The following PCDHA9 variants were observed in gnomAD, a reference collection of about 807,000 sequenced individuals.
PCDHA9 encodes the protein protocadherin alpha-9.
A neutral mutation model predicts 62.0 loss-of-function variants in PCDHA9; 62 were observed. The ratio of observed to expected loss-of-function variants is 1.00; its 90% CI spans 0.81 to 1.23. PCDHA9 has a LOEUF of 1.23. Ranked by LOEUF, PCDHA9 falls within the 50% of genes most tolerant of loss-of-function variation. PCDHA9 has a pLI of 0.00. For synonymous variants in PCDHA9, 557 were observed against 567.6 expected (o/e 0.98, Z 0.27); for missense variants, 1,205 against 1,249.8 (o/e 0.96, Z 0.54).
Position 141,010,957 on chromosome 5 carries a change from C to CT in PCDHA9, c.*1021dup, listed in dbSNP as rs1342734442. The CT allele has an allele frequency of 6.5e-5, 10 of 153,858 alleles. No homozygotes were observed. Among genetic ancestry groups the CT allele is most frequent in the African/African-American group, 2.4e-4 (10 of 41,554 alleles). The allele number at this position is 153,858 out of a possible 1,614,324, so 9.5% of individuals were successfully genotyped here. A position where few individuals can be genotyped will look rare whatever the true frequency, so the allele number is the denominator to read the frequency against. On this transcript the variant is annotated 3_prime_UTR_variant, in exon 4 of 4. Coordinates refer to ENST00000532602, the MANE Select transcript of PCDHA9 (RefSeq NM_031857.2). ...ACAGCCATTTAAATGATCATTGCTG[C>CT]TACAGAAGTGCTTTAAGAGAATTGC...
intron 1 of PCDHA9, chr5:140,870,894 T>C (rs2052511877): frequency 1.2e-6 from 2 of 1,613,938 alleles, no homozygotes; most frequent in East Asian, 2.2e-5. Flanking sequence ...GCGCAGTGGA[T>C]GCGGACTCAG....
chr5:140,927,897 T>A, intron 1 of PCDHA9: 1 of 1,614,204 alleles, frequency 6.2e-7, no homozygotes, highest in African/African-American at 1.3e-5. Flanking sequence ...ACGTGAACGA[T>A]CATGCCCCCG....
chr5:140,926,533 A>G (rs957359754), intron 1 of PCDHA9: 23 of 211,100 alleles, frequency 1.1e-4, no homozygotes, highest in East Asian at 3.3e-4. Context: ...GCCCGCAGCC[A>G]GCGTGGTGGT....
intron 1 of PCDHA9, chr5:140,869,464 G>C: frequency 6.2e-7 from 1 of 1,614,198 alleles, no homozygotes; most frequent in Non-Finnish European, 8.5e-7. Context: ...CCATGTGAAC[G>C]TGGAGGTGAA....
Position 140,883,565 on chromosome 5 carries a change from C to T in PCDHA9, c.2394+32676C>T, listed in dbSNP as rs139159217. On this transcript the variant is annotated intron_variant, in intron 1 of 3. Transcript: ENST00000532602. ...GGTGACCGCGCGGGACGGGGGCTCG[C>T]CTTCGCTGTGGGCCACGGCCAGCGT... is the stretch of plus-strand genomic sequence containing the variant. 6.5e-5 allele frequency: 105 copies of T among 1,614,180 alleles called. 1 individual carries two copies. In the African/African-American group the frequency reaches 1.3e-3, roughly 20 times the overall value.
Position 140,858,600 on chromosome 5 carries a change from T to A in PCDHA9, c.2394+7711T>A, listed in dbSNP as rs1554151852. The stretch of plus-strand genomic sequence containing the variant: ...GTAATATAATTTATTCCAGGAGTTT[T>A]AAAATTTTTTTATCCTACCCAGTGT... On this transcript the variant is annotated intron_variant, in intron 1 of 3. Coordinates refer to ENST00000532602, the MANE Select transcript of PCDHA9 (RefSeq NM_031857.2). 7.0e-6 allele frequency: 9 copies of A among 1,293,864 alleles called. 2 individuals are homozygous for A. The highest frequency in any genetic ancestry group is 3.0e-5 in the African/African-American group (2 of 67,188). The allele number at this position is 1,293,864 out of a possible 1,614,324, so 80.1% of individuals were successfully genotyped here.
At chr5:140,997,335 A>G (rs2097768018) in intron 3 of PCDHA9, among the ~76,000 whole-genome samples, 1 of 152,230 alleles carries the variant, frequency 6.6e-6, no homozygotes, top group African/African-American at 2.4e-5. Context: ...TTCGTTGTAC[A>G]AATATCATAG....
At chr5:140,851,866 C>G in intron 1 of PCDHA9, 1 of 976,572 alleles carries the variant, frequency 1.0e-6, no homozygotes, top group Non-Finnish European at 1.2e-6. Flanking sequence ...TCATACATAA[C>G]ACAAGGCAGA....
chr5:140,889,034 T>A (rs1554183750), intron 1 of PCDHA9, among the ~76,000 whole-genome samples: 4 of 152,080 alleles, frequency 2.6e-5, no homozygotes, highest in Non-Finnish European at 5.9e-5. Flanking sequence ...TAACCGTAAT[T>A]TGATTATAAT....
rs2150462323 is a variant in PCDHA9 at position 140,849,996 on chromosome 5, G to C, written c.1501G>C (p.Glu501Gln). Residue 501 changes from glutamate (E) to glutamine (Q), a missense_variant, in exon 1 of 4, where the codon GAG becomes CAG. Transcript: ENST00000532602. ...CTCGCTGGTGGAGCGGCGGTTGGGCGAGCGCTCGCTGTCGAGCTACGTGTC... is the reference window on the plus strand; with the variant it reads ...CTCGCTGGTGGAGCGGCGGTTGGGCCAGCGCTCGCTGTCGAGCTACGTGTC... ...SYSLVERRLG[E>Q]RSLSSYVSVH... The C allele has an allele frequency of 0.011, 17,121 of 1,597,124 alleles. 2,348 individuals are homozygous for C. In the African/African-American group the frequency reaches 0.2, roughly 18 times the overall value.
intron 1 of PCDHA9, among the ~76,000 whole-genome samples, chr5:140,947,509 T>C (rs1358803536): frequency 2.6e-5 from 4 of 151,722 alleles, no homozygotes; most frequent in Non-Finnish European, 4.4e-5. Flanking sequence ...AATTTTCATA[T>C]AAATTTTAGA....
At chr5:140,888,703 G>C (rs547593291) in intron 1 of PCDHA9, among the ~76,000 whole-genome samples, 1 of 152,180 alleles carries the variant, frequency 6.6e-6, no homozygotes, top group Admixed American at 6.5e-5. Context: ...TGATTGGTAG[G>C]AATGTGAAAT....
At position 140,916,615 on chromosome 5, in the gene PCDHA9, T is replaced by C. The variant is rs191815089; in HGVS notation, c.2395-62334T>C. Among the ~76,000 whole-genome samples the C allele has an allele frequency of 2.6e-5, 4 of 152,270 alleles. No homozygotes were observed. In the East Asian group the frequency reaches 5.8e-4, roughly 22 times the overall value. On this transcript the variant is annotated intron_variant, in intron 1 of 3. Transcript: ENST00000532602. ...GGGCCTGGAATGCGGGCCTCATGAC[T>C]CTACTCAATGCCCTATCCTACTGTG...
chr5:140,873,262 G>A (rs1196053156), intron 1 of PCDHA9, among the ~76,000 whole-genome samples: 2 of 152,136 alleles, frequency 1.3e-5, no homozygotes, highest in Non-Finnish European at 2.9e-5. Context: ...ACTCAAAAGT[G>A]ATTAAACCAT....
At position 140,848,890 on chromosome 5, in the gene PCDHA9, T is replaced by A. The variant is rs1554142528; in HGVS notation, c.395T>A (p.Val132Glu). ...AAGGACATTAACGACAACCCTCCAGTGTTCCCAGCGACACAAAAGAATCTG... is the reference window on the plus strand; with the variant it reads ...AAGGACATTAACGACAACCCTCCAGAGTTCCCAGCGACACAAAAGAATCTG... ...EVKDINDNPP[V>E]FPATQKNLFI... Residue 132 changes from valine to glutamate, a missense_variant, in exon 1 of 4, where the codon GTG (valine) becomes GAG (glutamate). Val to Glu is a moderately radical substitution (Grantham distance 121). This residue lies in a region of PCDHA9 where 208 missense variants were observed against 213.2 expected (regional missense o/e 0.98). Transcript: ENST00000532602. 5 of 1,595,934 alleles carry A rather than the reference T, an allele frequency of 3.1e-6. No homozygotes were observed. Among genetic ancestry groups the A allele is most frequent in the Non-Finnish European group, 4.3e-6 (5 of 1,166,904 alleles).
At chr5:140,879,864 T>C (rs2058152773) in intron 1 of PCDHA9, among the ~76,000 whole-genome samples, 1 of 152,226 alleles carries the variant, frequency 6.6e-6, no homozygotes, top group Admixed American at 6.5e-5. Flanking sequence ...CCTTCTCAGC[T>C]TTCATGGTCA....
intron 1 of PCDHA9, among the ~76,000 whole-genome samples, chr5:140,951,019 G>A (rs555662052): frequency 2.0e-5 from 3 of 152,114 alleles, no homozygotes; most frequent in African/African-American, 7.2e-5. Context: ...ATCAGGCAGT[G>A]AGTTTTAATT....
chr5:140,925,612 G>A (rs895763627), intron 1 of PCDHA9, among the ~76,000 whole-genome samples: 2 of 150,356 alleles, frequency 1.3e-5, no homozygotes, highest in Non-Finnish European at 3.0e-5. Flanking sequence ...AAACCTGCAC[G>A]TTGTGCACAT....
At chr5:140,969,847 A>G (rs2096364168) in intron 1 of PCDHA9, among the ~76,000 whole-genome samples, 1 of 152,150 alleles carries the variant, frequency 6.6e-6, no homozygotes. Flanking sequence ...TATCTAGTTA[A>G]TATTTCTGGT....
Sources: gnomAD v4.1 joint callset for allele counts (sites outside exome capture counted in the v4.1 genomes callset) on GRCh38, gnomAD v4.1.1 for gene constraint, gnomAD v4.1.1 regional missense constraint, MANE v1.5 for transcripts, NCBI Gene and HGNC (gene_info 2026-07-23, HGNC 2026-07-21) for gene names.